The following ALDH3B2 variants were observed in gnomAD, a reference collection of about 807,000 sequenced individuals.
ALDH3B2 encodes the protein aldehyde dehydrogenase family 3 member B2.
Under a neutral mutation model 36.7 loss-of-function variants are expected in ALDH3B2, and 45 were observed. The observed-to-expected ratio is 1.23, with a 90% confidence interval of 0.97 to 1.57. ALDH3B2 has a LOEUF of 1.57. Ranked by LOEUF, ALDH3B2 falls within the 40% of genes most tolerant of loss-of-function variation. The pLI is 0.00. For missense variants in ALDH3B2, 464 were observed against 513.3 expected, an observed-to-expected ratio of 0.90 and a Z score of 0.93; for synonymous variants, 217 against 226.5, an observed-to-expected ratio of 0.96 and a Z score of 0.38.
upstream of ALDH3B2, among the ~76,000 whole-genome samples, chr11:67,677,358 G>A (rs149940934): frequency 6.6e-6 from 1 of 152,102 alleles, no homozygotes; most frequent in African/African-American, 2.4e-5. Context: ...AAAATCACAT[G>A]ATCATCTCAA....
intron 7 of ALDH3B2, 77 bp downstream of exon 7, chr11:67,665,208 C>T: frequency 6.6e-7 from 1 of 1,525,836 alleles, no homozygotes; most frequent in Non-Finnish European, 8.8e-7. Context: ...CGAGTCCAGA[C>T]TCGTGGCCCA....
exon 3 of ALDH3B2, chr11:67,666,945 C>A (rs4646823): frequency 0.89 from 1,429,905 of 1,613,870 alleles, 638,430 homozygotes; most frequent in South Asian, 0.94. Context: ...TCCAGGCCTG[C>A]AGGTTCTTGA....
upstream of ALDH3B2, among the ~76,000 whole-genome samples, chr11:67,678,307 A>G (rs1856306610): frequency 6.6e-6 from 1 of 152,200 alleles, no homozygotes; most frequent in African/African-American, 2.4e-5. Flanking sequence ...AGAACCCAGA[A>G]ATAAACCCAA....
At chr11:67,677,691 T>C (rs1035541293), upstream of ALDH3B2, among the ~76,000 whole-genome samples, 3 of 152,146 alleles carry the variant, frequency 2.0e-5, no homozygotes, top group Non-Finnish European at 4.4e-5. Context: ...TATAATTGTT[T>C]ACCTTGAAAA....
chr11:67,679,296 C>T (rs1209459303), upstream of ALDH3B2, among the ~76,000 whole-genome samples: 1 of 151,840 alleles, frequency 6.6e-6, no homozygotes, highest in Non-Finnish European at 1.5e-5. Flanking sequence ...GATGAAACCC[C>T]GTCTCTACTA....
upstream of ALDH3B2, among the ~76,000 whole-genome samples, chr11:67,678,353 A>C (rs1057275478): frequency 1.3e-5 from 2 of 152,200 alleles, no homozygotes; most frequent in Non-Finnish European, 2.9e-5. Context: ...CAAATAAACA[A>C]AAACATAAAG....
chr11:67,666,585 G>T (rs777667881), exon 4 of ALDH3B2: 24 of 1,613,958 alleles, frequency 1.5e-5, no homozygotes, highest in Non-Finnish European at 2.0e-5. Context: ...TGCGGCGAGG[G>T]CGCCCACCAG....
intron 7 of ALDH3B2, 43 bp downstream of exon 7, chr11:67,665,242 G>C: frequency 6.5e-7 from 1 of 1,549,350 alleles, no homozygotes; most frequent in Non-Finnish European, 8.7e-7. Context: ...CATTGAGAAA[G>C]GGTCTTGGCC....
chr11:67,678,146 C>A (rs1208888234), upstream of ALDH3B2, among the ~76,000 whole-genome samples: 2 of 152,098 alleles, frequency 1.3e-5, no homozygotes, highest in Admixed American at 6.5e-5. Flanking sequence ...CAAAAAAGAG[C>A]CCGCACAGCA....
exon 10 of ALDH3B2, chr11:67,662,658 G>A: frequency 6.2e-6 from 1 of 161,618 alleles, no homozygotes; most frequent in South Asian, 1.7e-4. Context: ...GCAAACCCCA[G>A]TTTTCCCAGT....
In ALDH3B2 at chr11:67,670,806, G is replaced by GC. The variant is rs1475009210; in HGVS notation, c.-244-3172dup. The stretch of plus-strand genomic sequence containing the variant: ...ACAGGACCCCCACACTCAGTGTGCG[G>GC]CCCCCCTGCATGAGGGCCTGGAGGA... On this transcript the variant is annotated intron_variant, in intron 1 of 9. Coordinates refer to ENST00000349015, the Ensembl canonical transcript of ALDH3B2. Among the ~76,000 whole-genome samples the GC allele has an allele frequency of 8.3e-4, 127 of 152,276 alleles. 3 individuals carry two copies. The South Asian group carries it at 0.018, about 22-fold the overall frequency.
chr11:67,663,662 C>A (rs145285372), exon 9 of ALDH3B2: 2 of 1,607,426 alleles, frequency 1.2e-6, no homozygotes, highest in Admixed American at 1.7e-5. Context: ...AGGGACCCAC[C>A]GACTCCCCCG....
chr11:67,663,178 G>T (rs1855791783), exon 10 of ALDH3B2: 2 of 1,566,754 alleles, frequency 1.3e-6, no homozygotes, highest in Non-Finnish European at 1.7e-6. Context: ...CTAGACTCAG[G>T]TTTCTCTGTG....
In ALDH3B2 at chr11:67,666,113, C is replaced by T. The variant is rs766402615; in HGVS notation, c.319+9G>A. 1.2e-6 allele frequency: 2 copies of T among 1,613,568 alleles called. No individual in the cohort carries two copies. Among genetic ancestry groups the T allele is most frequent in the Non-Finnish European group, 1.7e-6 (2 of 1,179,834 alleles). ...CACCTACTCTGGGACCCTGGCCTGG[C>T]CCCCTCACCTGTGAAGAAGATGTAG... On this transcript the variant is annotated intron_variant, in intron 6 of 9. Transcript: ENST00000349015.
chr11:67,663,848 C>T (rs957902205), intron 8 of ALDH3B2, 87 bp from the exon 9 acceptor site: 16 of 1,094,510 alleles, frequency 1.5e-5, no homozygotes, highest in Non-Finnish European at 1.6e-5. Context: ...AGGTGAGCCT[C>T]ATCCTCACCT....
At position 67,664,391 on chromosome 11, in the gene ALDH3B2, C is replaced by T; in HGVS notation, c.873+5G>A. The T allele has an allele frequency of 1.9e-6, 3 of 1,614,060 alleles. No individual in the cohort carries two copies. The highest frequency in any genetic ancestry group is 8.5e-7 in the Non-Finnish European group (1 of 1,180,006). ...CCATTGCCCCCAACCCGGCCGCACC[C>T]CCACCTGGCTGCTGTTGGAGAAGGC... is the stretch of plus-strand genomic sequence containing the variant. On this transcript the variant is annotated splice_donor_5th_base_variant and intron_variant, in intron 8 of 9. Transcript: ENST00000349015.
chr11:67,663,442 A>G (rs1478484818), intron 9 of ALDH3B2, 43 bp from the exon 10 acceptor site: 15 of 1,580,798 alleles, frequency 9.5e-6, no homozygotes, highest in South Asian at 1.1e-5. Context: ...CAGGCAGCCC[A>G]TGGAGCCCCA....
exon 10 of ALDH3B2, chr11:67,663,003 C>T (rs371069913): frequency 2.6e-5 from 16 of 608,430 alleles, no homozygotes; most frequent in East Asian, 8.8e-5. Context: ...GCATGTTCTG[C>T]GGCCTCTTGG....
rs1363475750 is a variant in ALDH3B2, at chr11:67,671,548, C to CTT, written c.-245+2887_-245+2888dup. 2.6e-3 allele frequency among the ~76,000 whole-genome samples: 355 copies of CTT among 139,206 alleles called. 10 individuals carry two copies. Among genetic ancestry groups the CTT allele is most frequent in the Admixed American group, 4.1e-3 (60 of 14,548 alleles). 91.3% of individuals were successfully genotyped at this position (139,206 alleles called of 152,430 possible). On this transcript the variant is annotated intron_variant, in intron 1 of 9. Coordinates refer to ENST00000349015, the Ensembl canonical transcript of ALDH3B2. Reference sequence around the variant, plus strand: ...ATCAGGGCCAACCTGCCTCCCCCCCCTTTTTTTTTTTTTTTGGAACGGAGT... The same window carrying CTT: ...ATCAGGGCCAACCTGCCTCCCCCCCCTTTTTTTTTTTTTTTTTGGAACGGAGT...
Sources: gnomAD v4.1 joint callset for allele counts (sites outside exome capture counted in the v4.1 genomes callset) on GRCh38, gnomAD v4.1.1 for gene constraint, MANE v1.5 for transcripts, NCBI Gene and HGNC (gene_info 2026-07-23, HGNC 2026-07-21) for gene names.